GDPD4: variants seen among roughly 807,000 people sequenced by gnomAD.
The protein encoded by GDPD4 is glycerophosphodiester phosphodiesterase 6.
In GDPD4, 60 loss-of-function variants were observed where a neutral mutation model predicts 67.8. The ratio of observed to expected loss-of-function variants is 0.88; its 90% CI spans 0.72 to 1.10. GDPD4 has a LOEUF of 1.10. Ranked by LOEUF, GDPD4 falls within the 50% of genes least tolerant of loss-of-function variation. The probability of loss-of-function intolerance (pLI) is 0.00; values close to 1 mark genes in which losing one functional copy is unlikely to be tolerated. For missense variants in GDPD4, 623 were observed against 613.9 expected, an observed-to-expected ratio of 1.01 and a Z score of -0.16; for synonymous variants, 212 against 210.9, an observed-to-expected ratio of 1.00 and a Z score of -0.04.
intron 16 of GDPD4, among the ~76,000 whole-genome samples, chr11:77,227,350 A>AC (rs1422573572): frequency 1.3e-5 from 2 of 152,192 alleles, no homozygotes; most frequent in Non-Finnish European, 2.9e-5. Flanking sequence ...CTAGCCTCCA[A>AC]CATATATCAC....
At chr11:77,243,905 GC>G in intron 12 of GDPD4, 57 bp from the exon 13 acceptor site, 2 of 1,262,300 alleles carry the variant, frequency 1.6e-6, no homozygotes, top group Middle Eastern at 1.9e-4. Flanking sequence ...GGTACGAACA[GC>G]CCCATAGAGA....
At chr11:77,250,439 A>G (rs960544694) in intron 11 of GDPD4, among the ~76,000 whole-genome samples, 2 of 152,304 alleles carry the variant, frequency 1.3e-5, no homozygotes, top group African/African-American at 4.8e-5. Context: ...TTATAAGTGC[A>G]TAGTATTTTG....
At chr11:77,263,249 CAG>C (rs1212031990) in intron 10 of GDPD4, among the ~76,000 whole-genome samples, 1 of 151,812 alleles carries the variant, frequency 6.6e-6, no homozygotes, top group African/African-American at 2.4e-5. Context: ...TTTTTAAAAA[CAG>C]AATTAACTGT....
intron 11 of GDPD4, among the ~76,000 whole-genome samples, chr11:77,246,348 C>T (rs906533137): frequency 1.3e-5 from 2 of 152,170 alleles, no homozygotes; most frequent in African/African-American, 4.8e-5. Context: ...GGCTTTGAAG[C>T]CCAATGGCCC....
chr11:77,276,273 C>A (rs765099002), intron 4 of GDPD4, 53 bp from the exon 5 acceptor site: 14 of 1,388,200 alleles, frequency 1.0e-5, no homozygotes, highest in Non-Finnish European at 1.3e-5. Context: ...CAAGTTGCCA[C>A]CCAAAGCACT....
intron 1 of GDPD4, among the ~76,000 whole-genome samples, chr11:77,295,458 C>A (rs1163660776): frequency 6.6e-6 from 1 of 151,832 alleles, no homozygotes; most frequent in East Asian, 2.0e-4. Flanking sequence ...ATAGTGGGAG[C>A]CCATCTCTAC....
chr11:77,255,784 TG>T (rs1958991198), intron 11 of GDPD4, among the ~76,000 whole-genome samples: 1 of 151,874 alleles, frequency 6.6e-6, no homozygotes, highest in Non-Finnish European at 1.5e-5. Flanking sequence ...TTGCTCGAAT[TG>T]GAACCCGGGA....
chr11:77,234,274 T>A (rs1173200444), intron 13 of GDPD4, among the ~76,000 whole-genome samples: 2 of 152,188 alleles, frequency 1.3e-5, no homozygotes, highest in African/African-American at 4.8e-5. Context: ...AGATAAATTT[T>A]AAAAATAAAA....
At chr11:77,288,006 G>A (rs1960065424) in intron 1 of GDPD4, among the ~76,000 whole-genome samples, 1 of 152,168 alleles carries the variant, frequency 6.6e-6, no homozygotes, top group African/African-American at 2.4e-5. Flanking sequence ...TATGTAGCAT[G>A]TGGCTTCACA....
At chr11:77,217,524 C>T (rs1958147622) in intron 16 of GDPD4, among the ~76,000 whole-genome samples, 1 of 152,126 alleles carries the variant, frequency 6.6e-6, no homozygotes, top group South Asian at 2.1e-4. Context: ...GAGTCTACTA[C>T]TGCATGAGGC....
At chr11:77,252,058 T>TTTG (rs1565523231) in intron 11 of GDPD4, among the ~76,000 whole-genome samples, 2 of 92,266 alleles carry the variant, frequency 2.2e-5, no homozygotes, top group African/African-American at 3.3e-5. Context: ...TTGTTTGTTT[T>TTTG]TTTTTTGTTT....
At chr11:77,249,250 C>T (rs1370673625) in intron 11 of GDPD4, among the ~76,000 whole-genome samples, 1 of 139,002 alleles carries the variant, frequency 7.2e-6, no homozygotes. Flanking sequence ...TGGCAACAGA[C>T]CGAGACTCCA....
intron 13 of GDPD4, among the ~76,000 whole-genome samples, chr11:77,241,516 T>C (rs909181391): frequency 1.3e-5 from 2 of 151,788 alleles, no homozygotes; most frequent in Non-Finnish European, 2.9e-5. Context: ...CATGTGCCTG[T>C]AGTCCCAGCT....
chr11:77,283,451 A>T (rs1474489099), intron 3 of GDPD4, among the ~76,000 whole-genome samples: 2 of 152,192 alleles, frequency 1.3e-5, no homozygotes, highest in African/African-American at 4.8e-5. Context: ...AAAGATTTGG[A>T]TATTAGACTT....
At chr11:77,221,915 C>T (rs549457484) in intron 16 of GDPD4, among the ~76,000 whole-genome samples, 85 of 152,046 alleles carry the variant, frequency 5.6e-4, no homozygotes, top group African/African-American at 2.0e-3. Flanking sequence ...TCTGGGTGCT[C>T]CTGTATTGGG....
rs368573315 is a variant in GDPD4, at chr11:77,234,532, C to A, written c.1242-1360G>T. ...CCATTTTGGACTCCCCATTGTCTATCATTTCCAACTTTATGTCCATGTGTA... is the reference window on the plus strand; with the variant it reads ...CCATTTTGGACTCCCCATTGTCTATAATTTCCAACTTTATGTCCATGTGTA... On this transcript the variant is annotated intron_variant, in intron 13 of 16. Transcript: ENST00000315938. Among the ~76,000 whole-genome samples the A allele has an allele frequency of 4.5e-4, 68 of 152,270 alleles. No individual in the cohort carries two copies. The East Asian group carries it at 9.3e-3, about 21-fold the overall frequency.
At chr11:77,235,772 A>G (rs932852523) in intron 13 of GDPD4, among the ~76,000 whole-genome samples, 7 of 152,148 alleles carry the variant, frequency 4.6e-5, no homozygotes, top group Admixed American at 2.0e-4. Context: ...CTGGCAACAC[A>G]GTGAGACCCT....
intron 4 of GDPD4, among the ~76,000 whole-genome samples, chr11:77,276,800 G>A (rs1234735833): frequency 1.3e-5 from 2 of 152,122 alleles, no homozygotes; most frequent in African/African-American, 4.8e-5. Flanking sequence ...GGATATTAAT[G>A]ATAATTTGAT....
chr11:77,217,755 G>GA (rs370325504), intron 16 of GDPD4, among the ~76,000 whole-genome samples: 5 of 150,908 alleles, frequency 3.3e-5, no homozygotes, highest in Admixed American at 6.6e-5. Context: ...CTGTCCAACA[G>GA]AAAAAAAAAT....
Sources: gnomAD v4.1 joint callset for allele counts (sites outside exome capture counted in the v4.1 genomes callset) on GRCh38, gnomAD v4.1.1 for gene constraint, MANE v1.5 for transcripts, NCBI Gene and HGNC (gene_info 2026-07-23, HGNC 2026-07-21) for gene names.